SPOP: variants seen among roughly 807,000 people sequenced by gnomAD.
SPOP encodes the protein speckle type BTB/POZ protein, also known as speckle-type POZ protein.
A neutral mutation model predicts 45.6 loss-of-function variants in SPOP; 11 were observed. The ratio of observed to expected loss-of-function variants is 0.24; its 90% confidence interval spans 0.15 to 0.40. SPOP has a LOEUF of 0.40. Ranked by LOEUF, SPOP falls within the 10% of genes least tolerant of loss-of-function variation. SPOP has a pLI of 1.00. For missense variants in SPOP, 152 were observed against 465.6 expected (o/e 0.33, Z 6.20); for synonymous variants, 166 against 166.3 (o/e 1.00, Z 0.01).
At chr17:49,623,006 T>TA in intron 1 of SPOP, 130 bp from the exon 2 acceptor site, 2 of 522,974 alleles carry the variant, frequency 3.8e-6, no homozygotes, top group Non-Finnish European at 6.7e-6. Context: ...ACTGAGGTCC[T>TA]AAAATTTTTT....
intron 8 of SPOP, among the ~76,000 whole-genome samples, chr17:49,606,468 C>T (rs2071847867): frequency 6.6e-6 from 1 of 150,510 alleles, no homozygotes; most frequent in Non-Finnish European, 1.5e-5. Flanking sequence ...CCACTGTGCC[C>T]AGCCTGTTTT....
At chr17:49,642,546 G>C (rs28547042) in intron 1 of SPOP, among the ~76,000 whole-genome samples, 15 of 152,258 alleles carry the variant, frequency 9.9e-5, no homozygotes, top group African/African-American at 3.6e-4. Context: ...AGCAATAAAG[G>C]CTTCTGTTAC....
intron 1 of SPOP, among the ~76,000 whole-genome samples, chr17:49,635,340 GA>G (rs1313993730): frequency 6.6e-6 from 1 of 152,218 alleles, no homozygotes; most frequent in Admixed American, 6.5e-5. Context: ...TGTCTTAACA[GA>G]ATTTCCTGGC....
chr17:49,649,349 C>T (rs1463146126), intron 1 of SPOP, among the ~76,000 whole-genome samples: 2 of 150,448 alleles, frequency 1.3e-5, no homozygotes, highest in East Asian at 2.0e-4. Flanking sequence ...CCAGCCTGGC[C>T]GCCATGGTGA....
chr17:49,607,256 A>C lies in SPOP; in HGVS notation c.831T>G (p.Ala277=). Residue 277 remains alanine (A), a synonymous_variant, in exon 8 of 10, where the codon GCT becomes GCG. Coordinates refer to ENST00000504102, the MANE Select transcript of SPOP (RefSeq NM_001007228.2). The part of the protein sequence containing the change: ...DKMADDLLAA[A]DKYALERLKV... Reference sequence around the variant, plus strand: ...TTTTCTATTCTTATCTTACCTTGTCAGCAGCTGCCAGCAAATCATCAGCCA... The same window carrying C: ...TTTTCTATTCTTATCTTACCTTGTCCGCAGCTGCCAGCAAATCATCAGCCA... The C allele has an allele frequency of 6.2e-7, 1 of 1,614,098 alleles. No homozygotes were observed. Among genetic ancestry groups the C allele is most frequent in the Non-Finnish European group, 8.5e-7 (1 of 1,180,008 alleles).
At chr17:49,607,497 G>A in intron 7 of SPOP, 125 bp from the exon 8 acceptor site, 1 of 1,253,934 alleles carries the variant, frequency 8.0e-7, no homozygotes, top group Non-Finnish European at 1.1e-6. Flanking sequence ...TAACATTAAT[G>A]GAAAATTTCT....
At chr17:49,633,319 A>G (rs2072486330) in intron 1 of SPOP, among the ~76,000 whole-genome samples, 1 of 152,170 alleles carries the variant, frequency 6.6e-6, no homozygotes, top group African/African-American at 2.4e-5. Context: ...AAGAAGGTAC[A>G]TGACTCTCAA....
rs2072172941 is a variant in SPOP, at chr17:49,619,479, A to G, written c.201-94T>C. ...AAGAGAGGGAGATGTTTAAAAAACA[A>G]ATGCAGGCCCCATAGAAGAATATAA... On this transcript the variant is annotated intron_variant, in intron 3 of 9. Coordinates refer to ENST00000504102, the MANE Select transcript of SPOP (RefSeq NM_001007228.2). The surrounding 1 kb of genome is among the most constrained non-coding windows in gnomAD (Gnocchi z 4.9). 7.5e-7 allele frequency: 1 copy of G among 1,331,566 alleles called. No individual in the cohort carries two copies. Among genetic ancestry groups the G allele is most frequent in the South Asian group, 1.4e-5 (1 of 68,978 alleles). 82.5% of individuals were successfully genotyped at this position (1,331,566 alleles called of 1,614,324 possible). A position where few individuals can be genotyped will look rare whatever the true frequency, so the allele number is the denominator to read the frequency against.
At chr17:49,611,523 C>A in intron 5 of SPOP, 66 bp from the exon 6 acceptor site, 85 of 687,070 alleles carry the variant, frequency 1.2e-4, no homozygotes, top group Non-Finnish European at 1.7e-4. Flanking sequence ...AGCAGATAGA[C>A]GACTTTTACC....
intron 1 of SPOP, among the ~76,000 whole-genome samples, chr17:49,660,458 G>GA (rs2143528983): frequency 6.6e-6 from 1 of 152,058 alleles, no homozygotes; most frequent in South Asian, 2.1e-4. Flanking sequence ...TTTTCTCCTT[G>GA]AAACTTATCA....
intron 1 of SPOP, among the ~76,000 whole-genome samples, chr17:49,655,078 C>G (rs148671294): frequency 2.0e-5 from 3 of 152,160 alleles, no homozygotes; most frequent in Admixed American, 1.3e-4. Flanking sequence ...AGATACTTAA[C>G]ATACACCCCT....
At chr17:49,617,527 A>G (rs2072112779) in intron 5 of SPOP, among the ~76,000 whole-genome samples, 1 of 150,904 alleles carries the variant, frequency 6.6e-6, no homozygotes, top group African/African-American at 2.4e-5. Context: ...ATTAAAAAGG[A>G]GAGGGGATAC....
intron 8 of SPOP, among the ~76,000 whole-genome samples, chr17:49,602,869 T>C (rs371209997): frequency 1.3e-5 from 2 of 152,322 alleles, no homozygotes; most frequent in Non-Finnish European, 2.9e-5. Flanking sequence ...ATCTACTTGA[T>C]TGGTTCAGAT....
chr17:49,641,071 T>C (rs188936028), intron 1 of SPOP, among the ~76,000 whole-genome samples: 49 of 152,006 alleles, frequency 3.2e-4, no homozygotes, highest in Middle Eastern at 6.8e-3. Context: ...AAGACCAGCC[T>C]GGCCAATATG....
At chr17:49,665,848 G>A (rs914707214) in intron 1 of SPOP, among the ~76,000 whole-genome samples, 5 of 150,458 alleles carry the variant, frequency 3.3e-5, no homozygotes, top group Non-Finnish European at 7.4e-5. Flanking sequence ...GCCTGGTGTG[G>A]TGGTGCACAC....
At chr17:49,624,513 G>C (rs117193520) in intron 1 of SPOP, among the ~76,000 whole-genome samples, 1,547 of 152,142 alleles carry the variant, frequency 0.01, 11 homozygotes, top group Non-Finnish European at 0.016. Context: ...TTGTAACCCA[G>C]GCTGCAGCAC....
At position 49,600,703 on chromosome 17, in the gene SPOP, T is replaced by G. The variant is rs960134002; in HGVS notation, c.981-181A>C. On this transcript the variant is annotated intron_variant, in intron 9 of 9. Transcript: ENST00000504102. The surrounding 1 kb of genome is among the most constrained non-coding windows in gnomAD (Gnocchi z 4.2). ...ACAATGAGCAGACTGGTGACTTGCC[T>G]GTGGCTGTCGTCATCTGAAAACCAA... is the stretch of plus-strand genomic sequence containing the variant. 3.1e-6 allele frequency: 2 copies of G among 641,986 alleles called. No homozygotes were observed. Among genetic ancestry groups the G allele is most frequent in the East Asian group, 2.8e-5 (1 of 35,922 alleles). 39.8% of individuals were successfully genotyped at this position (641,986 alleles called of 1,614,324 possible). A position where few individuals can be genotyped will look rare whatever the true frequency, so the allele number is the denominator to read the frequency against.
intron 1 of SPOP, among the ~76,000 whole-genome samples, chr17:49,663,016 T>C (rs2073008927): frequency 6.6e-6 from 1 of 152,244 alleles, no homozygotes; most frequent in East Asian, 1.9e-4. Flanking sequence ...TTTCATTATG[T>C]TGATATTTGT....
At chr17:49,639,853 A>C (rs1010202986) in intron 1 of SPOP, among the ~76,000 whole-genome samples, 1 of 151,942 alleles carries the variant, frequency 6.6e-6, no homozygotes, top group Non-Finnish European at 1.5e-5. Context: ...TGGCAATGAT[A>C]TATTTCTAGG....
Sources: allele counts gnomAD v4.1 joint callset (sites outside exome capture counted in the v4.1 genomes callset), GRCh38; gene constraint gnomAD v4.1.1; non-coding constraint Gnocchi (gnomAD v3.1); transcripts MANE v1.5; gene names NCBI Gene and HGNC (gene_info 2026-07-23, HGNC 2026-07-21).